Variants in CD200 observed in about 807,000 individuals in gnomAD.
The protein encoded by CD200 is CD200 molecule.
Under a neutral mutation model 30.9 loss-of-function variants are expected in CD200, and 15 were observed. That is an observed-to-expected ratio of 0.49 (90% CI 0.32 to 0.75). The LOEUF (loss-of-function observed/expected upper bound fraction) is 0.75, where lower values mean the gene tolerates loss of function less well. Ranked by LOEUF, CD200 falls within the 30% of genes least tolerant of loss-of-function variation. CD200 has a pLI of 0.03. For missense variants in CD200, 262 were observed against 324.2 expected (o/e 0.81, Z 1.47); for synonymous variants, 134 against 126.2 (o/e 1.06, Z -0.41).
Position 112,334,303 on chromosome 3 carries a change from G to T in CD200, c.12+1079G>T, listed in dbSNP as rs1279358146. The T allele has an allele frequency of 3.1e-6, 3 of 971,608 alleles. No individual in the cohort carries two copies. The African/African-American group carries it at 5.3e-5, about 17-fold the overall frequency. The allele number at this position is 971,608 out of a possible 1,614,324, so 60.2% of individuals were successfully genotyped here. A position where few individuals can be genotyped will look rare whatever the true frequency, so the allele number is the denominator to read the frequency against. On this transcript the variant is annotated intron_variant, in intron 1 of 5. Transcript: ENST00000315711. ...TAGCTACCAGGTGGGCAGCTGTCTG[G>T]TAAGACCCAGGTTTTTGTGAACCCT...
intron 5 of CD200, among the ~76,000 whole-genome samples, chr3:112,357,211 A>G (rs1481455451): frequency 6.7e-6 from 1 of 149,012 alleles, no homozygotes; most frequent in Non-Finnish European, 1.5e-5. Context: ...CAGTGAGCAG[A>G]GATCGCGCCA....
intron 2 of CD200, among the ~76,000 whole-genome samples, chr3:112,344,625 T>C (rs1423812852): frequency 6.6e-6 from 1 of 152,196 alleles, no homozygotes; most frequent in Non-Finnish European, 1.5e-5. Flanking sequence ...TCTCCAAGCA[T>C]GGACAAGATT....
chr3:112,338,370 T>G (rs538003282), intron 1 of CD200, among the ~76,000 whole-genome samples: 1 of 152,320 alleles, frequency 6.6e-6, no homozygotes, highest in South Asian at 2.1e-4. Context: ...TATTCATAAA[T>G]TTAATTATTC....
At chr3:112,333,259 G>C in intron 1 of CD200, 35 bp downstream of exon 1, 1 of 1,544,830 alleles carries the variant, frequency 6.5e-7, no homozygotes, top group Non-Finnish European at 8.7e-7. Flanking sequence ...GGAGGGCGCA[G>C]GGCAGGCGAT....
chr3:112,346,381 T>A (rs2081394130), intron 3 of CD200, among the ~76,000 whole-genome samples: 1 of 152,062 alleles, frequency 6.6e-6, no homozygotes. Flanking sequence ...TCTCTTAGTC[T>A]CCTTCCTTCA....
At chr3:112,333,529 G>C (rs1293009649) in intron 1 of CD200, 2 of 985,460 alleles carry the variant, frequency 2.0e-6, no homozygotes, top group Non-Finnish European at 2.4e-6. Context: ...CGCTGACGAA[G>C]CTGGCGCATC....
chr3:112,349,999 GACA>G, intron 5 of CD200, 180 bp downstream of exon 5: 1 of 982,292 alleles, frequency 1.0e-6, no homozygotes, highest in Non-Finnish European at 1.2e-6. Flanking sequence ...CTTGCAATTG[GACA>G]TTAAATTGGA....
chr3:112,345,107 G>A lies in CD200; in HGVS notation c.240G>A (p.Glu80=), dbSNP rs2108445710. ...CAGAAAACATGGTCACCTTCAGCGA[G>A]AACCATGGGGTGGTGATCCAGCCTG... The part of the protein sequence containing the change: ...VSPENMVTFS[E]NHGVVIQPAY... Residue 80 remains glutamate (E), a synonymous_variant, in exon 3 of 6, where the codon GAG becomes GAA. Transcript: ENST00000315711. The A allele has an allele frequency of 1.2e-6, 2 of 1,614,090 alleles. No homozygotes were observed. The highest frequency in any genetic ancestry group is 1.7e-6 in the Non-Finnish European group (2 of 1,179,990).
At chr3:112,355,844 GA>G (rs1022978194) in intron 5 of CD200, among the ~76,000 whole-genome samples, 12 of 151,586 alleles carry the variant, frequency 7.9e-5, no homozygotes, top group South Asian at 4.2e-4. Flanking sequence ...ATATTAAGTA[GA>G]AAAAAATGTT....
At chr3:112,339,655 A>G (rs1350299848) in intron 1 of CD200, among the ~76,000 whole-genome samples, 1 of 152,256 alleles carries the variant, frequency 6.6e-6, no homozygotes, top group Non-Finnish European at 1.5e-5. Flanking sequence ...CTTGTCCATC[A>G]TGGCAAGTGA....
intron 1 of CD200, among the ~76,000 whole-genome samples, chr3:112,339,213 A>T (rs1181275572): frequency 6.6e-6 from 1 of 152,196 alleles, no homozygotes; most frequent in East Asian, 1.9e-4. Context: ...TGGTCTTTCA[A>T]ATCAGACAAT....
At position 112,336,043 on chromosome 3, in the gene CD200, G is replaced by A. The variant is rs781778471; in HGVS notation, c.12+2819G>A. On this transcript the variant is annotated intron_variant, in intron 1 of 5. Coordinates refer to ENST00000315711, the MANE Select transcript of CD200 (RefSeq NM_005944.7). ...GTAATTTTCTACCCCTACCTATGAA[G>A]GGACTTGGTTAGTAACTTCTCTTGC... 10 of 1,464,478 alleles carry A rather than the reference G, an allele frequency of 6.8e-6. No homozygotes were observed. The South Asian group carries it at 1.0e-4, about 15-fold the overall frequency. 90.7% of individuals were successfully genotyped at this position (1,464,478 alleles called of 1,614,324 possible). A position where few individuals can be genotyped will look rare whatever the true frequency, so the allele number is the denominator to read the frequency against.
chr3:112,338,327 C>A (rs2081164948), intron 1 of CD200, among the ~76,000 whole-genome samples: 1 of 152,096 alleles, frequency 6.6e-6, no homozygotes, highest in Non-Finnish European at 1.5e-5. Context: ...AAAAAAGTAG[C>A]TGTTTTGGGT....
At chr3:112,334,015 A>G (rs1559777543) in intron 1 of CD200, 1 of 985,324 alleles carries the variant, frequency 1.0e-6, no homozygotes, top group Non-Finnish European at 1.2e-6. Context: ...TTTTTCATGT[A>G]TGGTTTGTTG....
rs374338782 is a variant in CD200 at position 112,336,182 on chromosome 3, G to A, written c.12+2958G>A. Among the ~76,000 whole-genome samples, 55 of 152,222 alleles carry A rather than the reference G, an allele frequency of 3.6e-4. 2 individuals carry two copies. In the South Asian group the frequency reaches 8.7e-3, roughly 24 times the overall value. On this transcript the variant is annotated intron_variant, in intron 1 of 5. Transcript: ENST00000315711. ...CCCTCATTAAGTTTAGGTCGTGGCTGTTTCATAAGGAAAGAAAAGGGCATG... is the reference window on the plus strand; with the variant it reads ...CCCTCATTAAGTTTAGGTCGTGGCTATTTCATAAGGAAAGAAAAGGGCATG...
At position 112,349,620 on chromosome 3, in the gene CD200, A is replaced by C. The variant is rs557302153; in HGVS notation, c.695-92A>C. On this transcript the variant is annotated intron_variant, in intron 4 of 5. Transcript: ENST00000315711. ...TATAAACCTACATATGTATGTATTTAAGGATAATTTTAACTAAAAGCTCAA... is the reference window on the plus strand; with the variant it reads ...TATAAACCTACATATGTATGTATTTCAGGATAATTTTAACTAAAAGCTCAA... The C allele has an allele frequency of 4.5e-5, 42 of 935,160 alleles. No homozygotes were observed. The South Asian group carries it at 8.0e-4, about 18-fold the overall frequency. The allele number at this position is 935,160 out of a possible 1,614,324, so 57.9% of individuals were successfully genotyped here. A position where few individuals can be genotyped will look rare whatever the true frequency, so the allele number is the denominator to read the frequency against.
rs1559783574 is a variant in CD200 at position 112,342,413 on chromosome 3, CTTTCT to C, written c.94+1433_94+1437del. 4.3e-4 allele frequency among the ~76,000 whole-genome samples: 28 copies of C among 64,948 alleles called. 4 individuals are homozygous for C. The highest frequency in any genetic ancestry group is 1.3e-3 in the African/African-American group (22 of 16,804). 42.6% of individuals were successfully genotyped at this position (64,948 alleles called of 152,430 possible). ...TCTTTCTTTCTTTCTTTCTTTCTTTCTTTCTTTCTTTCTTTCTTCTCTCTCTTTCT... is the reference window on the plus strand; with the variant it reads ...TCTTTCTTTCTTTCTTTCTTTCTTTCTTCTTTCTTTCTTCTCTCTCTTTCT... On this transcript the variant is annotated intron_variant, in intron 2 of 5. Coordinates refer to ENST00000315711, the MANE Select transcript of CD200 (RefSeq NM_005944.7).
At chr3:112,357,351 C>G (rs1391535365) in intron 5 of CD200, among the ~76,000 whole-genome samples, 2 of 151,742 alleles carry the variant, frequency 1.3e-5, no homozygotes, top group Non-Finnish European at 2.9e-5. Flanking sequence ...AGGAGAGGGG[C>G]GGAGTGTTTA....
chr3:112,356,516 AG>A (rs1358322685), intron 5 of CD200, among the ~76,000 whole-genome samples: 1 of 152,206 alleles, frequency 6.6e-6, no homozygotes, highest in Non-Finnish European at 1.5e-5. Context: ...CTACTCTGTC[AG>A]TAATATTCAA....
Sources: allele counts gnomAD v4.1 joint callset (sites outside exome capture counted in the v4.1 genomes callset), GRCh38; gene constraint gnomAD v4.1.1; transcripts MANE v1.5; gene names NCBI Gene and HGNC (gene_info 2026-07-23, HGNC 2026-07-21).